Variants in STPG2 observed in about 807,000 individuals in gnomAD.
STPG2 encodes sperm tail PG-rich repeat containing 2.
Under a neutral mutation model 54.2 loss-of-function variants are expected in STPG2, and 56 were observed. The observed-to-expected ratio is 1.03, with a 90% CI of 0.83 to 1.29. The LOEUF (loss-of-function observed/expected upper bound fraction) is 1.29, where lower values mean the gene tolerates loss of function less well. Ranked by LOEUF, STPG2 falls within the 50% of genes most tolerant of loss-of-function variation. The pLI, the probability that STPG2 is intolerant of heterozygous loss-of-function variation, is 0.00. For missense variants in STPG2, 596 were observed against 544.9 expected, an observed-to-expected ratio of 1.09 and a Z score of -0.93; for synonymous variants, 200 against 181.8, an observed-to-expected ratio of 1.10 and a Z score of -0.81.
At chr4:97,707,539 T>A (rs1378890353) in intron 10 of STPG2, among the ~76,000 whole-genome samples, 1 of 151,628 alleles carries the variant, frequency 6.6e-6, no homozygotes, top group African/African-American at 2.4e-5. Flanking sequence ...GAAAATAATT[T>A]CAATAAATAA....
At chr4:97,501,758 G>T (rs1334703059) in intron 4 of STPG2, among the ~76,000 whole-genome samples, 2 of 151,088 alleles carry the variant, frequency 1.3e-5, no homozygotes, top group Non-Finnish European at 2.9e-5. Context: ...AGAACTACCT[G>T]CATGAAACAT....
intron 8 of STPG2, among the ~76,000 whole-genome samples, chr4:97,904,091 G>T (rs1003421303): frequency 6.6e-6 from 1 of 152,226 alleles, no homozygotes; most frequent in Non-Finnish European, 1.5e-5. Context: ...ACTGGGTGGA[G>T]CCCACCACAG....
chr4:97,813,038 G>T (rs1356560662), intron 9 of STPG2, among the ~76,000 whole-genome samples: 1 of 152,012 alleles, frequency 6.6e-6, no homozygotes, highest in Admixed American at 6.6e-5. Context: ...CTGCTATCAA[G>T]TTCTGTTACC....
chr4:97,801,897 C>G (rs893433427), intron 9 of STPG2, among the ~76,000 whole-genome samples: 2 of 152,072 alleles, frequency 1.3e-5, no homozygotes, highest in Non-Finnish European at 2.9e-5. Context: ...ATTGGCATAA[C>G]AGGAATTACA....
intron 7 of STPG2, among the ~76,000 whole-genome samples, chr4:97,964,652 C>T (rs950472579): frequency 6.6e-6 from 1 of 152,170 alleles, no homozygotes; most frequent in African/African-American, 2.4e-5. Context: ...TTAAGGGCAA[C>T]AGATTTCAAA....
chr4:97,562,745 T>C (rs1409602882), intron 10 of STPG2, among the ~76,000 whole-genome samples: 1 of 152,226 alleles, frequency 6.6e-6, no homozygotes, highest in East Asian at 1.9e-4. Flanking sequence ...GGATTACATT[T>C]ATTGATTTGC....
At chr4:97,784,776 T>C (rs892950169) in intron 9 of STPG2, among the ~76,000 whole-genome samples, 3 of 152,028 alleles carry the variant, frequency 2.0e-5, no homozygotes, top group Admixed American at 6.6e-5. Context: ...TATAATCAAT[T>C]GGAAATGATT....
At chr4:97,697,677 T>A (rs536368343) in intron 10 of STPG2, among the ~76,000 whole-genome samples, 1 of 152,066 alleles carries the variant, frequency 6.6e-6, no homozygotes, top group Non-Finnish European at 1.5e-5. Flanking sequence ...ATAAACAAAA[T>A]CCCTGCAGCA....
At chr4:97,730,311 A>T (rs1724757274) in intron 9 of STPG2, among the ~76,000 whole-genome samples, 1 of 152,168 alleles carries the variant, frequency 6.6e-6, no homozygotes, top group Non-Finnish European at 1.5e-5. Flanking sequence ...AGTTGCATCC[A>T]TGTTGCTGCA....
intron 1 of STPG2, among the ~76,000 whole-genome samples, chr4:98,142,541 G>A (rs1404591988): frequency 6.7e-6 from 1 of 150,122 alleles, no homozygotes; most frequent in African/African-American, 2.4e-5. Context: ...TGTTAAAAGA[G>A]ATGAGGACGG....
rs540378123 is a variant in STPG2, at chr4:97,576,832, A to G, written c.1321-17715T>C. ...TACAACCTACAGAACAAGAGAAAAC[A>G]TTCACAAATGAGGCATCTCACAGAG... On this transcript the variant is annotated intron_variant, in intron 10 of 10. Transcript: ENST00000295268. Among the ~76,000 whole-genome samples, 3 of 152,250 alleles carry G rather than the reference A, an allele frequency of 2.0e-5. 1 individual carries two copies. In the East Asian group the frequency reaches 5.8e-4, roughly 29 times the overall value.
chr4:97,861,352 G>A (rs562243657), intron 8 of STPG2, among the ~76,000 whole-genome samples: 1 of 152,206 alleles, frequency 6.6e-6, no homozygotes, highest in East Asian at 1.9e-4. Flanking sequence ...ACGAATGCTG[G>A]CAATGATGCA....
chr4:97,983,434 C>A (rs188530718), intron 5 of STPG2, among the ~76,000 whole-genome samples: 1 of 152,110 alleles, frequency 6.6e-6, no homozygotes, highest in Non-Finnish European at 1.5e-5. Context: ...GGTTGGCATC[C>A]CTAATCTCTA....
intron 10 of STPG2, among the ~76,000 whole-genome samples, chr4:97,708,060 T>C (rs906058279): frequency 6.6e-6 from 1 of 152,144 alleles, no homozygotes. Context: ...CTCTTAAATG[T>C]ATACTCTAAG....
chr4:97,840,718 T>G, intron 9 of STPG2, 55 bp downstream of exon 9: 1 of 1,546,174 alleles, frequency 6.5e-7, no homozygotes, highest in South Asian at 1.2e-5. Context: ...GATATTTTAA[T>G]ATGGAAACCT....
chr4:97,808,327 A>G (rs1378086722), intron 9 of STPG2, among the ~76,000 whole-genome samples: 1 of 152,038 alleles, frequency 6.6e-6, no homozygotes, highest in Non-Finnish European at 1.5e-5. Context: ...AATTGAGGAA[A>G]ACGATAAACA....
At chr4:97,538,319 G>A (rs1357561231) in intron 4 of STPG2, among the ~76,000 whole-genome samples, 1 of 152,082 alleles carries the variant, frequency 6.6e-6, no homozygotes, top group Non-Finnish European at 1.5e-5. Flanking sequence ...TGGCTAATGA[G>A]AACAACCGAT....
At chr4:97,597,111 T>C (rs1733316425) in intron 10 of STPG2, among the ~76,000 whole-genome samples, 1 of 151,950 alleles carries the variant, frequency 6.6e-6, no homozygotes, top group Non-Finnish European at 1.5e-5. Flanking sequence ...ATACAAGAAT[T>C]CTGAGATTAC....
chr4:97,442,548 C>T (rs189408674), intron 4 of STPG2, among the ~76,000 whole-genome samples: 272 of 152,054 alleles, frequency 1.8e-3, no homozygotes, highest in African/African-American at 6.2e-3. Flanking sequence ...GGTAATAATA[C>T]GAGAGTGTAG....
Sources: gnomAD v4.1 joint callset for allele counts (sites outside exome capture counted in the v4.1 genomes callset) on GRCh38, gnomAD v4.1.1 for gene constraint, MANE v1.5 for transcripts, NCBI Gene and HGNC (gene_info 2026-07-23, HGNC 2026-07-21) for gene names.